The following ESR1 variants were observed in gnomAD, a reference collection of about 807,000 sequenced individuals.
The protein encoded by ESR1 is estrogen receptor 1.
In ESR1, 12 loss-of-function variants were observed where a neutral mutation model predicts 52.7. The observed-to-expected ratio is 0.23, with a 90% CI of 0.15 to 0.37. The LOEUF (loss-of-function observed/expected upper bound fraction) is 0.37. Ranked by LOEUF, ESR1 falls within the 10% of genes least tolerant of loss-of-function variation. The pLI is 1.00. For synonymous variants in ESR1, 305 were observed against 316.8 expected (o/e 0.96, Z 0.39); for missense variants, 584 against 779.7 (o/e 0.75, Z 2.99).
intron 1 of ESR1, among the ~76,000 whole-genome samples, chr6:151,827,373 GAAA>G (rs917894160): frequency 1.4e-5 from 2 of 148,134 alleles, no homozygotes; most frequent in African/African-American, 5.0e-5. Context: ...AAAGAAAAAA[GAAA>G]AAAAAAGAAG....
At chr6:151,853,627 T>A (rs762595528) in intron 2 of ESR1, among the ~76,000 whole-genome samples, 1 of 152,214 alleles carries the variant, frequency 6.6e-6, no homozygotes, top group Non-Finnish European at 1.5e-5. Flanking sequence ...TGGACACAGC[T>A]GAAGCTTTCA....
chr6:152,105,804 G>A (rs1335793545), downstream of ESR1, among the ~76,000 whole-genome samples: 9 of 99,824 alleles, frequency 9.0e-5, no homozygotes, highest in South Asian at 3.5e-4. Context: ...TTTTTGAGAC[G>A]GAGTCTCGCT....
intron 5 of ESR1, among the ~76,000 whole-genome samples, chr6:152,059,125 A>G (rs1028429849): frequency 6.6e-6 from 1 of 152,176 alleles, no homozygotes; most frequent in Admixed American, 6.5e-5. Flanking sequence ...CATTGTGAAT[A>G]TACTGAAATC....
At chr6:151,870,382 A>G (rs1191507506) in intron 2 of ESR1, among the ~76,000 whole-genome samples, 1 of 152,138 alleles carries the variant, frequency 6.6e-6, no homozygotes, top group African/African-American at 2.4e-5. Context: ...TGCCCTCCCA[A>G]TGATACCATA....
intron 3 of ESR1, among the ~76,000 whole-genome samples, chr6:151,883,513 G>A (rs1249645627): frequency 1.3e-5 from 2 of 151,592 alleles, no homozygotes; most frequent in East Asian, 2.0e-4. Flanking sequence ...AGCACTCTTG[G>A]TATCTCTTTC....
intron 6 of ESR1, chr6:152,122,247 G>T (rs1585305896): frequency 1.2e-6 from 1 of 832,546 alleles, no homozygotes; most frequent in Non-Finnish European, 1.9e-6. Flanking sequence ...TTGTCTGTTT[G>T]TTCCCCCGTC....
chr6:151,895,093 A>G (rs1795279067), intron 3 of ESR1, among the ~76,000 whole-genome samples: 1 of 147,640 alleles, frequency 6.8e-6, no homozygotes, highest in Non-Finnish European at 1.5e-5. Flanking sequence ...TTTTCTTTGT[A>G]GAGGTCCTTC....
intron 2 of ESR1, among the ~76,000 whole-genome samples, chr6:151,850,622 G>A (rs1786493235): frequency 6.6e-6 from 1 of 152,056 alleles, no homozygotes; most frequent in East Asian, 1.9e-4. Flanking sequence ...GCCCCAGCCT[G>A]ATTTTCTCAG....
upstream of ESR1, among the ~76,000 whole-genome samples, chr6:151,806,812 A>C (rs2128152082): frequency 6.6e-6 from 1 of 152,158 alleles, no homozygotes; most frequent in South Asian, 2.1e-4. Context: ...TTTGGTATGA[A>C]AAGGTCACAT....
intron 3 of ESR1, among the ~76,000 whole-genome samples, chr6:151,903,826 C>T (rs190979098): frequency 3.3e-5 from 5 of 152,242 alleles, no homozygotes; most frequent in African/African-American, 1.2e-4. Context: ...TTCCATGTTC[C>T]AGATCAAGTT....
chr6:151,978,169 A>G (rs1005595126), intron 4 of ESR1, among the ~76,000 whole-genome samples: 4 of 152,144 alleles, frequency 2.6e-5, no homozygotes, highest in African/African-American at 9.7e-5. Flanking sequence ...TTGACCAAGC[A>G]GATATGAAAA....
At chr6:151,925,697 G>T (rs1239874296) in intron 3 of ESR1, among the ~76,000 whole-genome samples, 3 of 151,918 alleles carry the variant, frequency 2.0e-5, no homozygotes, top group Non-Finnish European at 4.4e-5. Flanking sequence ...TGTATATTTT[G>T]ATTACAAGTC....
rs538117373 is a variant in ESR1 at position 151,894,779 on chromosome 6, G to A, written c.760+14008G>A. 2.6e-5 allele frequency among the ~76,000 whole-genome samples: 4 copies of A among 152,132 alleles called. No individual in the cohort carries two copies. In the South Asian group the frequency reaches 8.3e-4, roughly 32 times the overall value. ...TTTTATACCAGTACCATGCTGTTTC[G>A]GTGACTATGGCCTTATAGTATAGTT... On this transcript the variant is annotated intron_variant, in intron 3 of 7. Coordinates refer to ENST00000206249, the MANE Select transcript of ESR1 (RefSeq NM_000125.4).
chr6:151,806,763 C>T (rs1238724109), upstream of ESR1, among the ~76,000 whole-genome samples: 1 of 151,868 alleles, frequency 6.6e-6, no homozygotes, highest in Non-Finnish European at 1.5e-5. Flanking sequence ...GACAATGTAA[C>T]ATAATTGCCA....
intron 2 of ESR1, among the ~76,000 whole-genome samples, chr6:151,706,228 C>T (rs118044500): frequency 2.2e-3 from 341 of 152,310 alleles, no homozygotes; most frequent in Admixed American, 4.2e-3. Context: ...TATATTGCTG[C>T]TCATCAAAGT....
At chr6:151,989,194 A>G (rs939257240) in intron 4 of ESR1, among the ~76,000 whole-genome samples, 2 of 152,178 alleles carry the variant, frequency 1.3e-5, no homozygotes, top group African/African-American at 4.8e-5. Context: ...AAGGCCTTCA[A>G]AAATGAAATT....
intron 2 of ESR1, among the ~76,000 whole-genome samples, chr6:151,725,174 T>C (rs549355525): frequency 3.5e-4 from 53 of 152,322 alleles, no homozygotes; most frequent in African/African-American, 1.3e-3. Context: ...TTGCAGAGTA[T>C]TCTCTATGAC....
chr6:152,073,104 A>C (rs1486292094), intron 6 of ESR1, among the ~76,000 whole-genome samples: 1 of 152,238 alleles, frequency 6.6e-6, no homozygotes, highest in East Asian at 1.9e-4. Context: ...AGAAGCTTTA[A>C]TTACAAATTT....
intron 1 of ESR1, among the ~76,000 whole-genome samples, chr6:151,674,107 G>T (rs769997600): frequency 6.6e-6 from 1 of 151,966 alleles, no homozygotes; most frequent in Non-Finnish European, 1.5e-5. Context: ...GTTGTTTGCC[G>T]CACCCAACAA....
Sources: allele counts gnomAD v4.1 joint callset (sites outside exome capture counted in the v4.1 genomes callset), GRCh38; gene constraint gnomAD v4.1.1; transcripts MANE v1.5; gene names NCBI Gene and HGNC (gene_info 2026-07-23, HGNC 2026-07-21).